The following SAMD3 variants were observed in gnomAD, a reference collection of about 807,000 sequenced individuals.
SAMD3 encodes sterile alpha motif domain-containing protein 3.
A neutral mutation model predicts 58.5 loss-of-function variants in SAMD3; 63 were observed. The observed-to-expected ratio is 1.08, with a 90% CI of 0.88 to 1.33. The LOEUF (loss-of-function observed/expected upper bound fraction) is 1.33, where lower values mean the gene tolerates loss of function less well. SAMD3 is among the 40% of genes most tolerant of loss of function. The pLI is 0.00. For missense variants in SAMD3, 604 were observed against 608.4 expected, an observed-to-expected ratio of 0.99 and a Z score of 0.08; for synonymous variants, 220 against 210.3, an observed-to-expected ratio of 1.05 and a Z score of -0.40.
chr6:130,180,918 G>C (rs1387980436), intron 7 of SAMD3, among the ~76,000 whole-genome samples: 1 of 148,542 alleles, frequency 6.7e-6, no homozygotes. Context: ...GTTCAGATTT[G>C]AAACTTTTCT....
At chr6:130,323,802 CAAAAAAA>C (rs766078214) in intron 1 of SAMD3, among the ~76,000 whole-genome samples, 2 of 53,544 alleles carry the variant, frequency 3.7e-5, no homozygotes, top group Non-Finnish European at 6.5e-5. Flanking sequence ...GACTCTGTCT[CAAAAAAA>C]AAAAAAAAAA....
At chr6:130,159,000 G>A (rs975425675) in intron 8 of SAMD3, among the ~76,000 whole-genome samples, 1 of 152,302 alleles carries the variant, frequency 6.6e-6, no homozygotes, top group Non-Finnish European at 1.5e-5. Context: ...ATATCCCAAT[G>A]CAAATGAAGA....
chr6:130,335,992 C>T (rs1721802590), intron 1 of SAMD3, among the ~76,000 whole-genome samples: 1 of 151,904 alleles, frequency 6.6e-6, no homozygotes, highest in South Asian at 2.1e-4. Context: ...GGAAGGGGAA[C>T]ATCACACTCT....
chr6:130,191,745 G>A (rs1793571519), intron 5 of SAMD3, among the ~76,000 whole-genome samples: 1 of 151,866 alleles, frequency 6.6e-6, no homozygotes, highest in South Asian at 2.1e-4. Flanking sequence ...AATAAAACAG[G>A]TGATAGGATT....
At chr6:130,262,418 C>A (rs1463632241) in intron 2 of SAMD3, among the ~76,000 whole-genome samples, 1 of 151,050 alleles carries the variant, frequency 6.6e-6, no homozygotes, top group African/African-American at 2.4e-5. Context: ...ACTCAAAAAT[C>A]TTAAAATATG....
chr6:130,259,082 G>C (rs1774020428), intron 2 of SAMD3, among the ~76,000 whole-genome samples: 1 of 152,166 alleles, frequency 6.6e-6, no homozygotes, highest in South Asian at 2.1e-4. Flanking sequence ...CATGATGAGA[G>C]AGGATTAAGG....
chr6:130,351,461 A>C (rs1442638847), intron 1 of SAMD3, among the ~76,000 whole-genome samples: 14 of 152,288 alleles, frequency 9.2e-5, no homozygotes, highest in African/African-American at 3.1e-4. Flanking sequence ...ATGCAGCCAA[A>C]AGACACACGA....
chr6:130,210,858 C>A (rs1338811901), intron 4 of SAMD3, among the ~76,000 whole-genome samples: 1 of 151,984 alleles, frequency 6.6e-6, no homozygotes, highest in Non-Finnish European at 1.5e-5. Flanking sequence ...TGGTAGCTCA[C>A]ACCTGTAATC....
chr6:130,275,789 A>G (rs1467045990), intron 2 of SAMD3, among the ~76,000 whole-genome samples: 2 of 152,030 alleles, frequency 1.3e-5, no homozygotes, highest in South Asian at 2.1e-4. Context: ...TATTATTTAC[A>G]TTTACAATCC....
At chr6:130,311,018 A>T (rs987615237) in intron 2 of SAMD3, among the ~76,000 whole-genome samples, 1 of 152,124 alleles carries the variant, frequency 6.6e-6, no homozygotes, top group South Asian at 2.1e-4. Flanking sequence ...TGTACCTTGG[A>T]TGTATGGCTC....
intron 8 of SAMD3, among the ~76,000 whole-genome samples, chr6:130,167,890 A>G (rs2114639154): frequency 6.6e-6 from 1 of 152,330 alleles, no homozygotes; most frequent in South Asian, 2.1e-4. Context: ...AGCTATATAT[A>G]TAACATGATG....
At position 130,328,271 on chromosome 6, in the gene SAMD3, C is replaced by T. The variant is rs74940518; in HGVS notation, c.-303-15178G>A. Among the ~76,000 whole-genome samples the T allele has an allele frequency of 4.1e-3, 621 of 152,308 alleles. 5 individuals carry two copies. Among genetic ancestry groups the T allele is most frequent in the African/African-American group, 0.014 (577 of 41,556 alleles). The stretch of plus-strand genomic sequence containing the variant: ...ACCTGCTGGACCTGGAGCTATGTGC[C>T]CTGGTCTCTGATTGCTGGTTTTGGC... On this transcript the variant is annotated intron_variant, in intron 1 of 13. Transcript: ENST00000368134.
rs373806598 is a variant in SAMD3, at chr6:130,144,748, G to A, written c.1335C>T (p.Cys445=). The A allele has an allele frequency of 2.6e-5, 42 of 1,613,810 alleles. No individual in the cohort carries two copies. Among genetic ancestry groups the A allele is most frequent in the African/African-American group, 1.6e-4 (12 of 74,890 alleles). The change falls in exon 12 of 12, where the codon TGC becomes TGT. Residue 445 remains cysteine, a synonymous_variant. Coordinates refer to ENST00000439090, the MANE Select transcript of SAMD3 (RefSeq NM_001017373.4). ...CCCTTTCTAAATATAAAGAAAATTCGCAGACCTCCATGTTGAAAGGGTTTT... is the reference window on the plus strand; with the variant it reads ...CCCTTTCTAAATATAAAGAAAATTCACAGACCTCCATGTTGAAAGGGTTTT... ...EVKNPFNMEV[C]EFSLYLERER...
Position 130,146,092 on chromosome 6 carries a change from A to G in SAMD3, c.1113T>C (p.Thr371=), listed in dbSNP as rs761589568. ...ILESYSENIL[T]SFSVVDNPIN... ...TTGGATTGTCCACCACTGAAAAAGA[A>G]GTCAGTATATTTTCTGAATAGGATT... The change falls in exon 10 of 12, where the codon ACT becomes ACC. Residue 371 remains threonine, a synonymous_variant. Coordinates refer to ENST00000439090, the MANE Select transcript of SAMD3 (RefSeq NM_001017373.4). 10 of 1,601,222 alleles carry G rather than the reference A, an allele frequency of 6.2e-6. No homozygotes were observed. The highest frequency in any genetic ancestry group is 8.5e-6 in the Non-Finnish European group (10 of 1,172,884).
At chr6:130,209,094 C>G (rs1435247478) in intron 5 of SAMD3, among the ~76,000 whole-genome samples, 1 of 152,196 alleles carries the variant, frequency 6.6e-6, no homozygotes, top group Non-Finnish European at 1.5e-5. Flanking sequence ...TTACCTGCCT[C>G]TATCGGGAGA....
intron 1 of SAMD3, among the ~76,000 whole-genome samples, chr6:130,337,601 G>C (rs1777141126): frequency 6.6e-6 from 1 of 152,284 alleles, no homozygotes; most frequent in African/African-American, 2.4e-5. Flanking sequence ...GGAATATGTG[G>C]GGAAGTTTGG....
In SAMD3 at chr6:130,298,207, A is replaced by G. The variant is rs964686185; in HGVS notation, c.-188+14771T>C. Among the ~76,000 whole-genome samples the G allele has an allele frequency of 2.6e-5, 4 of 152,338 alleles. No homozygotes were observed. In the South Asian group the frequency reaches 6.2e-4, roughly 24 times the overall value. ...CTTCTCAGCAGAAACATTACAAACC[A>G]AAAGAGATTGGGGGCCTAGTTTTAG... On this transcript the variant is annotated intron_variant, in intron 2 of 13. Transcript: ENST00000368134.
At position 130,336,524 on chromosome 6, in the gene SAMD3, C is replaced by T. The variant is rs143028129; in HGVS notation, c.-303-23431G>A. 3.5e-3 allele frequency among the ~76,000 whole-genome samples: 536 copies of T among 152,266 alleles called. 5 individuals are homozygous for T. The highest frequency in any genetic ancestry group is 0.012 in the African/African-American group (514 of 41,554). On this transcript the variant is annotated intron_variant, in intron 1 of 13. Transcript: ENST00000368134. ...GGATAACTGGTTCCATATTTATTTT[C>T]GTTCCATATTTTGTTCCATTCTCAT... is the stretch of plus-strand genomic sequence containing the variant.
At chr6:130,234,651 A>G (rs1399231266) in intron 2 of SAMD3, among the ~76,000 whole-genome samples, 1 of 152,206 alleles carries the variant, frequency 6.6e-6, no homozygotes, top group Non-Finnish European at 1.5e-5. Context: ...GTTGTGCTTG[A>G]ACACATACAG....
Sources: allele counts gnomAD v4.1 joint callset (sites outside exome capture counted in the v4.1 genomes callset), GRCh38; gene constraint gnomAD v4.1.1; transcripts MANE v1.5; gene names NCBI Gene and HGNC (gene_info 2026-07-23, HGNC 2026-07-21).